The following ZNF740 variants were observed in gnomAD, a reference collection of about 807,000 sequenced individuals.
The protein encoded by ZNF740 is zinc finger protein 740.
ZNF740 carries 14 observed loss-of-function variants against 24.8 expected under a neutral mutation model. That is an observed-to-expected ratio of 0.56 (90% confidence interval 0.37 to 0.88). The LOEUF is 0.88. ZNF740 is among the 40% of genes least tolerant of loss of function. The pLI is 0.00. For missense variants in ZNF740, 201 were observed against 247.9 expected (o/e 0.81, Z 1.27); for synonymous variants, 69 against 84.0 (o/e 0.82, Z 0.98).
Position 53,192,038 on chromosome 12 carries a change from A to C in ZNF740, c.*4448A>C. ...GCTCCCTCTGTGAACAAGAAACCAGACACACTTGTGGGAGCTGGAGCATAG... is the reference window on the plus strand; with the variant it reads ...GCTCCCTCTGTGAACAAGAAACCAGCCACACTTGTGGGAGCTGGAGCATAG... On this transcript the variant is annotated 3_prime_UTR_variant, in exon 7 of 7. Coordinates refer to ENST00000416904, the MANE Select transcript of ZNF740 (RefSeq NM_001004304.4). The C allele has an allele frequency of 6.2e-7, 1 of 1,608,284 alleles. No individual in the cohort carries two copies. Among genetic ancestry groups the C allele is most frequent in the African/African-American group, 1.3e-5 (1 of 74,878 alleles).
intron 5 of ZNF740, 106 bp from the exon 6 acceptor site, chr12:53,186,274 ATTTATGATCAC>A: frequency 8.5e-7 from 1 of 1,176,078 alleles, no homozygotes; most frequent in Non-Finnish European, 1.2e-6. Flanking sequence ...ACCTCTCCCC[ATTTATGATCAC>A]TTAGGTGTCT....
At position 53,193,094 on chromosome 12, in the gene ZNF740, G is replaced by T; in HGVS notation, c.*5504G>T. The T allele has an allele frequency of 6.5e-7, 1 of 1,537,574 alleles. No individual in the cohort carries two copies. The highest frequency in any genetic ancestry group is 8.9e-7 in the Non-Finnish European group (1 of 1,122,390). On this transcript the variant is annotated 3_prime_UTR_variant, in exon 7 of 7. Coordinates refer to ENST00000416904, the MANE Select transcript of ZNF740 (RefSeq NM_001004304.4). Reference sequence around the variant, plus strand: ...GAGATTCCCAGAGCCTAAGTGCCTTGGGAAGGCCTCTCAGACCCCGCCCTT... The same window carrying T: ...GAGATTCCCAGAGCCTAAGTGCCTTTGGAAGGCCTCTCAGACCCCGCCCTT...
rs1379173986 is a variant in ZNF740 at position 53,193,183 on chromosome 12, A to C, written c.*5593A>C. 2 of 1,613,570 alleles carry C rather than the reference A, an allele frequency of 1.2e-6. No homozygotes were observed. Among genetic ancestry groups the C allele is most frequent in the Admixed American group, 3.3e-5 (2 of 59,992 alleles). ...CATGTCGCTCACAGCTGGCATCGTC[A>C]CACTCGCACAGATGCCCAGAGCTCT... is the stretch of plus-strand genomic sequence containing the variant. On this transcript the variant is annotated 3_prime_UTR_variant, in exon 7 of 7. Coordinates refer to ENST00000416904, the MANE Select transcript of ZNF740 (RefSeq NM_001004304.4).
intron 2 of ZNF740, among the ~76,000 whole-genome samples, chr12:53,184,150 T>TGTGTGTGTGTGTGTGCGCGCGCGCGC (rs59250662): frequency 1.9e-5 from 2 of 104,346 alleles, no homozygotes; most frequent in African/African-American, 3.7e-5. Context: ...TGTGTGTGTG[T>TGTGTGTGTGTGTGTGCGCGCGCGCGC]GCGCGCGCGC....
chr12:53,193,280 G>A lies in ZNF740; in HGVS notation c.*5690G>A, dbSNP rs1942034042. On this transcript the variant is annotated 3_prime_UTR_variant, in exon 7 of 7. Coordinates refer to ENST00000416904, the MANE Select transcript of ZNF740 (RefSeq NM_001004304.4). ...GCACAGGGGCCCTGTGCCATTGGGA[G>A]CCCGGCACCCAGATTCCAGGTCTGG... The A allele has an allele frequency of 1.2e-6, 2 of 1,613,390 alleles. No individual in the cohort carries two copies. Among genetic ancestry groups the A allele is most frequent in the Non-Finnish European group, 1.7e-6 (2 of 1,179,434 alleles).
intron 2 of ZNF740, among the ~76,000 whole-genome samples, chr12:53,184,150 T>TGTGC (rs59250662): frequency 0.033 from 3,400 of 104,252 alleles, 86 homozygotes; most frequent in Admixed American, 0.059. Flanking sequence ...TGTGTGTGTG[T>TGTGC]GCGCGCGCGC....
In ZNF740 at chr12:53,193,188, C is replaced by G; in HGVS notation, c.*5598C>G. On this transcript the variant is annotated 3_prime_UTR_variant, in exon 7 of 7. Coordinates refer to ENST00000416904, the MANE Select transcript of ZNF740 (RefSeq NM_001004304.4). ...CGCTCACAGCTGGCATCGTCACACT[C>G]GCACAGATGCCCAGAGCTCTGTCCA... 6 of 1,614,100 alleles carry G rather than the reference C, an allele frequency of 3.7e-6. No homozygotes were observed. The highest frequency in any genetic ancestry group is 5.1e-6 in the Non-Finnish European group (6 of 1,179,980).
At chr12:53,181,369 C>G in intron 1 of ZNF740, 4 of 985,420 alleles carry the variant, frequency 4.1e-6, no homozygotes, top group African/African-American at 1.7e-5. Flanking sequence ...TCGGGCCGGC[C>G]CACTGGGCAC....
chr12:53,182,808 A>T, intron 2 of ZNF740, among the ~76,000 whole-genome samples: 1 of 152,196 alleles, frequency 6.6e-6, no homozygotes, highest in Non-Finnish European at 1.5e-5. Flanking sequence ...CAGTAAGCAG[A>T]GTGTAACCCA....
In ZNF740 at chr12:53,180,831, C is replaced by T. The variant is rs1204372292; in HGVS notation, c.-314C>T. 7 of 1,270,938 alleles carry T rather than the reference C, an allele frequency of 5.5e-6. No individual in the cohort carries two copies. In the South Asian group the frequency reaches 8.9e-5, roughly 16 times the overall value. The allele number at this position is 1,270,938 out of a possible 1,614,324, so 78.7% of individuals were successfully genotyped here. On this transcript the variant is annotated 5_prime_UTR_variant, in exon 1 of 7. Coordinates refer to ENST00000416904, the MANE Select transcript of ZNF740 (RefSeq NM_001004304.4). Reference sequence around the variant, plus strand: ...CCAGGGAGCCAGCGGGAGGCCGCGCCTGGCAGGTAGGAGCAAGCCCCAAAG... The same window carrying T: ...CCAGGGAGCCAGCGGGAGGCCGCGCTTGGCAGGTAGGAGCAAGCCCCAAAG...
chr12:53,185,065 C>T (rs944465743), intron 3 of ZNF740, 25 bp downstream of exon 3: 7 of 1,611,616 alleles, frequency 4.3e-6, no homozygotes, highest in Non-Finnish European at 5.9e-6. Context: ...TCCATTGTGG[C>T]ACCTGGGGAT....
intron 4 of ZNF740, 85 bp from the exon 5 acceptor site, chr12:53,185,869 C>T: frequency 6.5e-7 from 1 of 1,532,402 alleles, no homozygotes; most frequent in South Asian, 1.3e-5. Context: ...CTTTCTCCAA[C>T]AGCTGGAAGT....
Position 53,192,173 on chromosome 12 carries a change from T to A in ZNF740, c.*4583T>A. 8.4e-7 allele frequency: 1 copy of A among 1,196,618 alleles called. No individual in the cohort carries two copies. The highest frequency in any genetic ancestry group is 1.2e-6 in the Non-Finnish European group (1 of 851,444). 74.1% of individuals were successfully genotyped at this position (1,196,618 alleles called of 1,614,324 possible). A position where few individuals can be genotyped will look rare whatever the true frequency, so the allele number is the denominator to read the frequency against. On this transcript the variant is annotated 3_prime_UTR_variant, in exon 7 of 7. Transcript: ENST00000416904. The stretch of plus-strand genomic sequence containing the variant: ...AGGTTATCCTCACCGCCCAGGGCCT[T>A]AGCCTCGTCCACTTGCTCAATTGCC...
At position 53,184,150 on chromosome 12, in the gene ZNF740, T is replaced by TGTGTGTGTGC. The variant is rs59250662; in HGVS notation, c.10-740_10-739insTGTGTGTGCG. Among the ~76,000 whole-genome samples, 289 of 104,404 alleles carry TGTGTGTGTGC rather than the reference T, an allele frequency of 2.8e-3. 2 individuals carry two copies. The highest frequency in any genetic ancestry group is 0.016 in the East Asian group (56 of 3,570). The allele number at this position is 104,404 out of a possible 152,430, so 68.5% of individuals were successfully genotyped here. ...GTGTGTGTGTGTGTGTGTGTGTGTG[T>TGTGTGTGTGC]GCGCGCGCGCGCTCTGAAGCTAAGG... is the stretch of plus-strand genomic sequence containing the variant. On this transcript the variant is annotated intron_variant, in intron 2 of 6. Transcript: ENST00000416904.
chr12:53,182,016 C>G (rs994921071), intron 2 of ZNF740, 24 bp downstream of exon 2: 3 of 1,605,274 alleles, frequency 1.9e-6, no homozygotes, highest in Non-Finnish European at 8.5e-7. Flanking sequence ...GAGTCCTCCT[C>G]CAAGATAACT....
intron 6 of ZNF740, 106 bp downstream of exon 6, chr12:53,186,615 C>A: frequency 1.2e-6 from 1 of 854,990 alleles, no homozygotes; most frequent in Non-Finnish European, 1.8e-6. Context: ...CGTTACTCGC[C>A]ATAATAGTTA....
chr12:53,184,299 C>G (rs1477834602), intron 2 of ZNF740, among the ~76,000 whole-genome samples: 4 of 152,054 alleles, frequency 2.6e-5, no homozygotes, highest in Non-Finnish European at 5.9e-5. Flanking sequence ...AGCAATTCTT[C>G]TGCCTCAGCC....
chr12:53,186,356 C>G lies in ZNF740; in HGVS notation c.374-35C>G, dbSNP rs753202044. The G allele has an allele frequency of 5.9e-6, 9 of 1,525,694 alleles. No homozygotes were observed. The East Asian group carries it at 2.2e-4, about 37-fold the overall frequency. 94.5% of individuals were successfully genotyped at this position (1,525,694 alleles called of 1,614,324 possible). On this transcript the variant is annotated intron_variant, in intron 5 of 6. Coordinates refer to ENST00000416904, the MANE Select transcript of ZNF740 (RefSeq NM_001004304.4). ...GGAATGAGGTCCCTACTGTACATAC[C>G]TCCCCACATTCACTTCTCTGTCCAC...
intron 5 of ZNF740, 28 bp from the exon 6 acceptor site, chr12:53,186,363 C>T: frequency 6.5e-7 from 1 of 1,541,548 alleles, no homozygotes; most frequent in African/African-American, 1.4e-5. Context: ...TACCTCCCCA[C>T]ATTCACTTCT....
Sources: gnomAD v4.1 joint callset for allele counts (sites outside exome capture counted in the v4.1 genomes callset) on GRCh38, gnomAD v4.1.1 for gene constraint, MANE v1.5 for transcripts, NCBI Gene and HGNC (gene_info 2026-07-23, HGNC 2026-07-21) for gene names.